The following TCF4 variants were observed in gnomAD, a reference collection of about 807,000 sequenced individuals.
The protein encoded by TCF4 is SL3-3 enhancer factor 2.
In TCF4, 3 loss-of-function variants were observed where a neutral mutation model predicts 82.1. That is an observed-to-expected ratio of 0.04 (90% CI 0.02 to 0.09). TCF4 has a LOEUF of 0.09. TCF4 is among the 10% of genes least tolerant of loss of function. TCF4 has a pLI of 1.00. For synonymous variants in TCF4, 276 were observed against 309.6 expected, an observed-to-expected ratio of 0.89 and a Z score of 1.14; for missense variants, 518 against 852.7, an observed-to-expected ratio of 0.61 and a Z score of 4.89.
At chr18:55,476,668 A>G (rs980505293) in intron 3 of TCF4, among the ~76,000 whole-genome samples, 5 of 151,912 alleles carry the variant, frequency 3.3e-5, no homozygotes, top group African/African-American at 1.2e-4. Flanking sequence ...GGGTCTCACT[A>G]TGTTGCTCAG....
intron 6 of TCF4, among the ~76,000 whole-genome samples, chr18:55,373,157 T>C (rs1400009997): frequency 6.7e-6 from 1 of 149,824 alleles, no homozygotes; most frequent in East Asian, 2.0e-4. Flanking sequence ...TAACAAACCA[T>C]CAAAAATAAA....
At chr18:55,319,333 G>A (rs1461814985) in intron 8 of TCF4, among the ~76,000 whole-genome samples, 3 of 152,134 alleles carry the variant, frequency 2.0e-5, no homozygotes. Context: ...AATACACACT[G>A]TAGAATAAAC....
chr18:55,249,417 C>T (rs1202209138), intron 15 of TCF4, among the ~76,000 whole-genome samples: 1 of 152,176 alleles, frequency 6.6e-6, no homozygotes, highest in Non-Finnish European at 1.5e-5. Flanking sequence ...ACATCCCCCA[C>T]CTGCAGGACT....
At chr18:55,266,209 TAACCAAATGTGTATGGTTAATA>T (rs1215247810) in intron 11 of TCF4, 1 of 152,212 alleles carries the variant, frequency 6.6e-6, no homozygotes, top group East Asian at 1.9e-4. Context: ...AGTATGTGGC[TAACCAAATGTGTATGGTTAATA>T]TCCTGCAGAC....
chr18:55,248,433 C>T (rs2053975674), intron 15 of TCF4, among the ~76,000 whole-genome samples: 1 of 152,178 alleles, frequency 6.6e-6, no homozygotes, highest in Non-Finnish European at 1.5e-5. Flanking sequence ...AAGAGGCCCA[C>T]ATAGAAACAG....
chr18:55,344,530 T>C (rs2080742859), intron 8 of TCF4, among the ~76,000 whole-genome samples: 1 of 152,124 alleles, frequency 6.6e-6, no homozygotes, highest in Non-Finnish European at 1.5e-5. Context: ...AATGATAAAG[T>C]TCAAAATAGC....
At chr18:55,444,954 C>T (rs2095500680) in intron 5 of TCF4, among the ~76,000 whole-genome samples, 1 of 152,148 alleles carries the variant, frequency 6.6e-6, no homozygotes. Context: ...CCAAGTCCAA[C>T]CATTTCCATC....
intron 4 of TCF4, among the ~76,000 whole-genome samples, chr18:55,462,802 A>C (rs1244071178): frequency 6.6e-6 from 1 of 152,148 alleles, no homozygotes; most frequent in Non-Finnish European, 1.5e-5. Flanking sequence ...AGGAGGAGGA[A>C]AGATTTCCTC....
chr18:55,354,622 A>T (rs1013870179), intron 6 of TCF4, among the ~76,000 whole-genome samples: 11 of 152,206 alleles, frequency 7.2e-5, no homozygotes, highest in African/African-American at 2.7e-4. Flanking sequence ...AACTAAAATC[A>T]TCTTGCTCTG....
At chr18:55,614,332 G>C (rs2147969187) in intron 2 of TCF4, among the ~76,000 whole-genome samples, 1 of 152,304 alleles carries the variant, frequency 6.6e-6, no homozygotes. Flanking sequence ...TTAGGAAATT[G>C]TCTCACTGTT....
chr18:55,383,235 A>T (rs1236066726), intron 6 of TCF4, among the ~76,000 whole-genome samples: 1 of 152,224 alleles, frequency 6.6e-6, no homozygotes, highest in African/African-American at 2.4e-5. Context: ...GGCTTCTCAG[A>T]TCTTCTTTTT....
intron 3 of TCF4, among the ~76,000 whole-genome samples, chr18:55,562,474 C>T (rs1051801421): frequency 6.6e-6 from 1 of 152,142 alleles, no homozygotes; most frequent in Non-Finnish European, 1.5e-5. Flanking sequence ...CCAAAATATA[C>T]AGCAAAGAAG....
At chr18:55,478,033 G>A (rs1226294515) in intron 3 of TCF4, among the ~76,000 whole-genome samples, 1 of 152,166 alleles carries the variant, frequency 6.6e-6, no homozygotes, top group Non-Finnish European at 1.5e-5. Flanking sequence ...TATGTCATTA[G>A]TGTGAAAGGA....
At chr18:55,329,023 T>C (rs1018806842) in intron 8 of TCF4, among the ~76,000 whole-genome samples, 11 of 152,152 alleles carry the variant, frequency 7.2e-5, no homozygotes, top group African/African-American at 2.4e-4. Context: ...AATTGTCAAA[T>C]ACTTTAAATG....
At chr18:55,409,638 AAT>A (rs2094257017) in intron 5 of TCF4, among the ~76,000 whole-genome samples, 1 of 152,244 alleles carries the variant, frequency 6.6e-6, no homozygotes, top group South Asian at 2.1e-4. Context: ...TAACACTAAG[AAT>A]ATATCAGGTT....
chr18:55,235,727 A>T (rs1489345718), intron 15 of TCF4, among the ~76,000 whole-genome samples: 1 of 152,190 alleles, frequency 6.6e-6, no homozygotes, highest in Non-Finnish European at 1.5e-5. Flanking sequence ...TTCTTAGCCT[A>T]TGGTTAAGTG....
intron 5 of TCF4, among the ~76,000 whole-genome samples, chr18:55,449,810 C>T (rs1023686505): frequency 1.3e-5 from 2 of 152,096 alleles, no homozygotes; most frequent in Non-Finnish European, 2.9e-5. Flanking sequence ...CAAATGTTAT[C>T]AGATATTACA....
chr18:55,229,396 G>A (rs572308136), intron 17 of TCF4: 4 of 396,692 alleles, frequency 1.0e-5, no homozygotes, highest in Non-Finnish European at 1.4e-5. Flanking sequence ...TTTATTCAAT[G>A]GGGTTACACT....
At chr18:55,281,405 G>A (rs1787251) in intron 8 of TCF4, among the ~76,000 whole-genome samples, 15,913 of 152,018 alleles carry the variant, frequency 0.1, 1,504 homozygotes, top group African/African-American at 0.25. Context: ...GAAAACTGAC[G>A]GAATGATTGT....
Sources: allele counts gnomAD v4.1 joint callset (sites outside exome capture counted in the v4.1 genomes callset), GRCh38; gene constraint gnomAD v4.1.1; transcripts MANE v1.5; gene names NCBI Gene and HGNC (gene_info 2026-07-23, HGNC 2026-07-21).